Variants in TRAPPC9 observed in about 807,000 individuals in gnomAD.
TRAPPC9 encodes the protein IKK2 binding protein.
TRAPPC9 carries 83 observed loss-of-function variants against 124.0 expected under a neutral mutation model. That is an observed-to-expected ratio of 0.67 (90% CI 0.56 to 0.80). The LOEUF is 0.80. Among genes scored for constraint, TRAPPC9 ranks in the 30% least tolerant of loss-of-function variants. The probability of loss-of-function intolerance (pLI) is 0.00; values close to 1 mark genes in which losing one functional copy is unlikely to be tolerated. For missense variants in TRAPPC9, 1,302 were observed against 1,508.3 expected (o/e 0.86, Z 2.27); for synonymous variants, 638 against 617.5 (o/e 1.03, Z -0.49).
chr8:139,910,408 C>A, intron 19 of TRAPPC9, 108 bp from the exon 20 acceptor site: 1 of 1,128,140 alleles, frequency 8.9e-7, no homozygotes, highest in Non-Finnish European at 1.3e-6. Context: ...GAATCATTAT[C>A]GTTAGTAATT....
intron 7 of TRAPPC9, among the ~76,000 whole-genome samples, chr8:140,376,834 G>A (rs955179435): frequency 6.2e-5 from 9 of 146,316 alleles, no homozygotes; most frequent in East Asian, 2.0e-4. Context: ...CCGAGATCGC[G>A]CCACTGCACT....
intron 6 of TRAPPC9, among the ~76,000 whole-genome samples, chr8:140,404,909 C>CGCGTGTGTGTGTGT (rs1472521710): frequency 8.3e-6 from 1 of 119,962 alleles, no homozygotes; most frequent in Non-Finnish European, 1.9e-5. Context: ...TGTGAGCATG[C>CGCGTGTGTGTGTGT]GTGTGTGTGT....
At chr8:139,881,947 C>T (rs1016751257) in intron 21 of TRAPPC9, among the ~76,000 whole-genome samples, 14 of 152,162 alleles carry the variant, frequency 9.2e-5, no homozygotes, top group Non-Finnish European at 7.3e-5. Flanking sequence ...CTGATGGTGG[C>T]CCCACCATGC....
chr8:140,236,471 T>C (rs768996050), intron 16 of TRAPPC9, among the ~76,000 whole-genome samples: 1 of 152,234 alleles, frequency 6.6e-6, no homozygotes, highest in Non-Finnish European at 1.5e-5. Flanking sequence ...TGTGGGCAGC[T>C]ATTGACTGCC....
At chr8:139,838,934 G>A (rs912648330) in intron 21 of TRAPPC9, among the ~76,000 whole-genome samples, 1 of 152,186 alleles carries the variant, frequency 6.6e-6, no homozygotes, top group African/African-American at 2.4e-5. Context: ...GTCAGCTGAT[G>A]TGCAGCAAGA....
intron 18 of TRAPPC9, among the ~76,000 whole-genome samples, chr8:140,017,155 T>G (rs1163286719): frequency 1.3e-5 from 2 of 152,252 alleles, no homozygotes; most frequent in African/African-American, 4.8e-5. Flanking sequence ...AAGACGTTTG[T>G]TACATAAATA....
chr8:140,385,722 G>A lies in TRAPPC9; in HGVS notation c.1134+11898C>T, dbSNP rs1490628617. Among the ~76,000 whole-genome samples the A allele has an allele frequency of 4.6e-5, 7 of 152,192 alleles. No homozygotes were observed. In the East Asian group the frequency reaches 5.8e-4, roughly 13 times the overall value. ...TCCAGGACCAGACGGATTCACAGCC[G>A]AATTCTACCAGAGGTATAAGGAGGA... On this transcript the variant is annotated intron_variant, in intron 7 of 22. Coordinates refer to ENST00000438773, the MANE Select transcript of TRAPPC9 (RefSeq NM_001160372.4).
intron 21 of TRAPPC9, among the ~76,000 whole-genome samples, chr8:139,796,173 G>A (rs1318230329): frequency 2.6e-5 from 4 of 151,856 alleles, no homozygotes; most frequent in Non-Finnish European, 5.9e-5. Flanking sequence ...GGAGGAGGAG[G>A]AGAAGGATGA....
chr8:140,259,814 A>G (rs1350238343), intron 15 of TRAPPC9, among the ~76,000 whole-genome samples: 15 of 152,210 alleles, frequency 9.9e-5, no homozygotes, highest in Admixed American at 9.8e-4. Flanking sequence ...TTCCCATGCA[A>G]TGGCTCACAG....
intron 21 of TRAPPC9, among the ~76,000 whole-genome samples, chr8:139,811,955 A>C (rs1003802258): frequency 6.6e-6 from 1 of 152,228 alleles, no homozygotes. Flanking sequence ...GATCTGGCAT[A>C]GATGAGAGTC....
At chr8:140,358,194 T>C (rs1012291202) in intron 9 of TRAPPC9, among the ~76,000 whole-genome samples, 2 of 152,210 alleles carry the variant, frequency 1.3e-5, no homozygotes, top group South Asian at 4.1e-4. Context: ...GACTGCTTAA[T>C]GTATACTAGG....
chr8:140,434,919 G>A (rs918007488), intron 4 of TRAPPC9, among the ~76,000 whole-genome samples, 193 bp downstream of exon 4: 59 of 151,474 alleles, frequency 3.9e-4, no homozygotes, highest in Non-Finnish European at 7.2e-4. Context: ...GTGGTGAGCC[G>A]AGATTGCGCC....
chr8:140,194,875 C>T (rs1463246946), intron 17 of TRAPPC9, among the ~76,000 whole-genome samples: 1 of 151,926 alleles, frequency 6.6e-6, no homozygotes, highest in African/African-American at 2.4e-5. Context: ...CCATACAGAT[C>T]GCACCTGTGA....
intron 21 of TRAPPC9, among the ~76,000 whole-genome samples, chr8:139,763,083 A>G (rs1196190453): frequency 6.6e-6 from 1 of 152,216 alleles, no homozygotes; most frequent in Non-Finnish European, 1.5e-5. Context: ...TTGAACAGGA[A>G]TAATTCCCCC....
intron 19 of TRAPPC9, among the ~76,000 whole-genome samples, chr8:139,945,056 G>A (rs1029187026): frequency 5.9e-5 from 9 of 152,116 alleles, no homozygotes; most frequent in Non-Finnish European, 1.0e-4. Flanking sequence ...CTCAGGAAGC[G>A]GAGGTTTCAT....
At chr8:139,793,859 T>C (rs1822870229) in intron 21 of TRAPPC9, among the ~76,000 whole-genome samples, 1 of 152,168 alleles carries the variant, frequency 6.6e-6, no homozygotes. Context: ...GGGAGTGATA[T>C]TTGAAATAAA....
intron 8 of TRAPPC9, among the ~76,000 whole-genome samples, chr8:140,363,877 C>T (rs1277500506): frequency 3.9e-5 from 6 of 152,298 alleles, no homozygotes; most frequent in Admixed American, 6.5e-5. Context: ...GGATTACAGG[C>T]GTCAGCCACT....
intron 9 of TRAPPC9, among the ~76,000 whole-genome samples, chr8:140,332,061 T>C (rs2066907147): frequency 1.3e-5 from 2 of 152,094 alleles, no homozygotes; most frequent in Non-Finnish European, 2.9e-5. Flanking sequence ...AGCCAAGATA[T>C]GGAATCAACC....
At chr8:139,953,728 T>C (rs1834807898) in intron 19 of TRAPPC9, among the ~76,000 whole-genome samples, 1 of 152,170 alleles carries the variant, frequency 6.6e-6, no homozygotes, top group Non-Finnish European at 1.5e-5. Context: ...ACAGCCCAAC[T>C]TTATTTAAAT....
Sources: gnomAD v4.1 joint callset for allele counts (sites outside exome capture counted in the v4.1 genomes callset) on GRCh38, gnomAD v4.1.1 for gene constraint, MANE v1.5 for transcripts, NCBI Gene and HGNC (gene_info 2026-07-23, HGNC 2026-07-21) for gene names.